Variants in RAD18 observed in about 807,000 individuals in gnomAD.
The protein encoded by RAD18 is E3 ubiquitin-protein ligase RAD18.
Under a neutral mutation model 60.4 loss-of-function variants are expected in RAD18, and 47 were observed. The ratio of observed to expected loss-of-function variants is 0.78; its 90% CI spans 0.62 to 0.99. The LOEUF is 0.99. Among genes scored for constraint, RAD18 ranks in the 50% least tolerant of loss-of-function variants. The probability of loss-of-function intolerance (pLI) is 0.00; values close to 1 mark genes in which losing one functional copy is unlikely to be tolerated. For missense variants in RAD18, 640 were observed against 593.3 expected, an observed-to-expected ratio of 1.08 and a Z score of -0.82; for synonymous variants, 225 against 195.5, an observed-to-expected ratio of 1.15 and a Z score of -1.26.
chr3:8,927,288 A>G (rs1940458606), intron 7 of RAD18, among the ~76,000 whole-genome samples: 2 of 152,260 alleles, frequency 1.3e-5, no homozygotes, highest in African/African-American at 4.8e-5. Flanking sequence ...ACATTTATGC[A>G]GCCAAAAGAC....
intron 7 of RAD18, among the ~76,000 whole-genome samples, chr3:8,928,815 T>C (rs1334006558): frequency 6.6e-6 from 1 of 151,818 alleles, no homozygotes; most frequent in African/African-American, 2.4e-5. Flanking sequence ...CAAGTATTTA[T>C]GCAATATTCA....
intron 1 of RAD18, 151 bp from the exon 2 acceptor site, chr3:8,959,152 T>A (rs1941058517): frequency 3.0e-6 from 2 of 659,786 alleles, no homozygotes; most frequent in Admixed American, 2.7e-5. Context: ...CTGCAAGGGA[T>A]CTTGACAAAT....
intron 7 of RAD18, among the ~76,000 whole-genome samples, chr3:8,917,318 A>G (rs929204873): frequency 1.3e-5 from 2 of 152,232 alleles, no homozygotes; most frequent in Non-Finnish European, 2.9e-5. Context: ...AAGTTCTTCA[A>G]TTAGAAGAAC....
chr3:8,894,952 G>A (rs1266277009), intron 11 of RAD18, among the ~76,000 whole-genome samples: 1 of 151,932 alleles, frequency 6.6e-6, no homozygotes, highest in African/African-American at 2.4e-5. Context: ...GTAAAGGCCA[G>A]GTTTCACCAT....
intron 7 of RAD18, among the ~76,000 whole-genome samples, chr3:8,917,954 A>G (rs1940236216): frequency 6.6e-6 from 1 of 152,208 alleles, no homozygotes; most frequent in Non-Finnish European, 1.5e-5. Flanking sequence ...TCATGAAAAG[A>G]AACCTGGAGG....
chr3:8,931,160 C>T (rs1940545916), intron 7 of RAD18, among the ~76,000 whole-genome samples: 1 of 152,018 alleles, frequency 6.6e-6, no homozygotes, highest in Non-Finnish European at 1.5e-5. Context: ...ATGAGTTTCA[C>T]TAGTTAATAG....
chr3:8,903,683 C>T (rs1273425501), intron 9 of RAD18, among the ~76,000 whole-genome samples: 1 of 152,130 alleles, frequency 6.6e-6, no homozygotes, highest in Non-Finnish European at 1.5e-5. Context: ...TGATTCTGAA[C>T]CATGCAGCTG....
At chr3:8,898,427 T>C (rs193071646) in intron 11 of RAD18, among the ~76,000 whole-genome samples, 2 of 151,568 alleles carry the variant, frequency 1.3e-5, no homozygotes, top group Admixed American at 1.3e-4. Flanking sequence ...ATAAACCCTA[T>C]ATATTTTTTA....
At chr3:8,958,353 C>T (rs1050556544) in intron 2 of RAD18, among the ~76,000 whole-genome samples, 9 of 152,168 alleles carry the variant, frequency 5.9e-5, no homozygotes, top group Non-Finnish European at 1.2e-4. Context: ...TAGGGTAACC[C>T]CTATGCACTA....
At chr3:8,939,390 C>A (rs1397342897) in intron 6 of RAD18, among the ~76,000 whole-genome samples, 164 bp downstream of exon 6, 1 of 152,040 alleles carries the variant, frequency 6.6e-6, no homozygotes, top group Non-Finnish European at 1.5e-5. Context: ...GAAGAAAGAA[C>A]AGAGGAGAGG....
At chr3:8,961,183 T>C (rs1195737867) in intron 1 of RAD18, among the ~76,000 whole-genome samples, 1 of 152,170 alleles carries the variant, frequency 6.6e-6, no homozygotes, top group African/African-American at 2.4e-5. Context: ...AGATGAGCCA[T>C]TTCTGGTTCA....
chr3:8,888,946 T>C (rs1434923753), intron 12 of RAD18, among the ~76,000 whole-genome samples: 1 of 152,202 alleles, frequency 6.6e-6, no homozygotes, highest in African/African-American at 2.4e-5. Context: ...TAGTTCAGTA[T>C]GAAGAGGTAC....
chr3:8,902,234 A>C, intron 10 of RAD18, 146 bp downstream of exon 10: 1 of 692,450 alleles, frequency 1.4e-6, no homozygotes, highest in Non-Finnish European at 2.1e-6. Flanking sequence ...TAGTTTACAA[A>C]CTGCTACATG....
chr3:8,919,594 A>C (rs1940276661), intron 7 of RAD18, among the ~76,000 whole-genome samples: 1 of 152,250 alleles, frequency 6.6e-6, no homozygotes, highest in African/African-American at 2.4e-5. Context: ...GTATGTATAT[A>C]TGTATCCACG....
At chr3:8,957,619 T>A (rs1941034637) in intron 2 of RAD18, among the ~76,000 whole-genome samples, 1 of 152,242 alleles carries the variant, frequency 6.6e-6, no homozygotes, top group Non-Finnish European at 1.5e-5. Context: ...ATTTTCAAGT[T>A]GATTTATCTT....
chr3:8,919,743 C>T (rs763591599), intron 7 of RAD18, among the ~76,000 whole-genome samples: 14 of 152,142 alleles, frequency 9.2e-5, no homozygotes, highest in Admixed American at 2.6e-4. Flanking sequence ...AAAGGACCAG[C>T]GCTCCTCAAA....
At chr3:8,904,733 A>C (rs1250890026) in intron 9 of RAD18, among the ~76,000 whole-genome samples, 1 of 152,204 alleles carries the variant, frequency 6.6e-6, no homozygotes. Context: ...AGTTTCTATT[A>C]GGCGAGGGTG....
At chr3:8,958,775 G>A in intron 2 of RAD18, 145 bp downstream of exon 2, 1 of 596,270 alleles carries the variant, frequency 1.7e-6, no homozygotes, top group Non-Finnish European at 3.0e-6. Flanking sequence ...CAAGAGGAAG[G>A]CAGTGAAAAA....
At chr3:8,956,215 T>C (rs182489352) in intron 2 of RAD18, among the ~76,000 whole-genome samples, 3 of 152,272 alleles carry the variant, frequency 2.0e-5, no homozygotes, top group African/African-American at 4.8e-5. Flanking sequence ...CTTTGTCATA[T>C]CCGAATTGCC....
Sources: gnomAD v4.1 joint callset for allele counts (sites outside exome capture counted in the v4.1 genomes callset) on GRCh38, gnomAD v4.1.1 for gene constraint, MANE v1.5 for transcripts, NCBI Gene and HGNC (gene_info 2026-07-23, HGNC 2026-07-21) for gene names.